COL28A1: variants seen among roughly 807,000 people sequenced by gnomAD.
COL28A1 encodes collagen alpha-1(XXVIII) chain.
COL28A1 carries 161 observed loss-of-function variants against 150.2 expected under a neutral mutation model. The ratio of observed to expected loss-of-function variants is 1.07; its 90% CI spans 0.94 to 1.22. The LOEUF is 1.22. Ranked by LOEUF, COL28A1 falls within the 50% of genes most tolerant of loss-of-function variation. The pLI, the probability that COL28A1 is intolerant of heterozygous loss-of-function variation, is 0.00. For synonymous variants in COL28A1, 552 were observed against 469.7 expected (o/e 1.18, Z -2.26); for missense variants, 1,617 against 1,388.3 (o/e 1.16, Z -2.62).
At chr7:7,357,692 G>A (rs1780406750), downstream of COL28A1, 1 of 150,362 alleles carries the variant, frequency 6.7e-6, no homozygotes. Context: ...AAATATGCAA[G>A]TGCTGTCTGA....
intron 27 of COL28A1, among the ~76,000 whole-genome samples, chr7:7,396,473 T>C (rs1326347942): frequency 3.3e-5 from 5 of 152,086 alleles, no homozygotes; most frequent in Admixed American, 6.5e-5. Context: ...TCCCCTTCTC[T>C]GACTTGATAA....
At chr7:7,520,571 A>G (rs1316832022) in intron 5 of COL28A1, among the ~76,000 whole-genome samples, 1 of 152,220 alleles carries the variant, frequency 6.6e-6, no homozygotes, top group Non-Finnish European at 1.5e-5. Flanking sequence ...TCCAGGAGAC[A>G]ATCTCAAAAG....
At chr7:7,406,071 A>G (rs1377069444) in intron 27 of COL28A1, among the ~76,000 whole-genome samples, 4 of 152,184 alleles carry the variant, frequency 2.6e-5, no homozygotes, top group African/African-American at 9.7e-5. Flanking sequence ...TCACAAAGGT[A>G]TCAATTTAAA....
chr7:7,390,137 A>G (rs1782447788), intron 27 of COL28A1, among the ~76,000 whole-genome samples: 1 of 152,184 alleles, frequency 6.6e-6, no homozygotes, highest in Non-Finnish European at 1.5e-5. Context: ...TTTGTCATAA[A>G]TAGCTCTTAT....
chr7:7,471,615 CT>C (rs111473959), intron 15 of COL28A1, among the ~76,000 whole-genome samples: 130 of 152,272 alleles, frequency 8.5e-4, no homozygotes, highest in African/African-American at 3.0e-3. Context: ...ATAAAACAGG[CT>C]GGGCATGGTG....
In COL28A1 at chr7:7,531,901, G is replaced by C. The variant is rs772217467; in HGVS notation, c.128C>G (p.Ser43Cys). 1.3e-6 allele frequency: 2 copies of C among 1,593,224 alleles called. No individual in the cohort carries two copies. The highest frequency in any genetic ancestry group is 1.7e-4 in the Middle Eastern group (1 of 5,980). ...LLARKSDVQG[S>C]ICFIDIVFIV... ...GAAGACAATATCTATGAAACAAATG[G>C]AGCCTGAAACAGAATAAACAGGTTA... Residue 43 changes from serine to cysteine, a missense_variant, in exon 3 of 35, where the codon TCC (serine) becomes TGC (cysteine). Physicochemically the swap from Ser to Cys is moderately radical, Grantham distance 112. Transcript: ENST00000399429.
intron 25 of COL28A1, among the ~76,000 whole-genome samples, chr7:7,428,792 C>T (rs1784779302): frequency 6.6e-6 from 1 of 152,308 alleles, no homozygotes; most frequent in South Asian, 2.1e-4. Context: ...TCTATATCTC[C>T]TCTCTCCTTC....
Position 7,477,113 on chromosome 7 carries a change from T to C in COL28A1, c.1232A>G (p.Lys411Arg). Residue 411 changes from lysine to arginine, a missense_variant and splice_region_variant, in exon 14 of 35, where the codon AAG becomes AGG. Coordinates refer to ENST00000399429, the MANE Select transcript of COL28A1 (RefSeq NM_001037763.3). ...GLPGEGFPGPKGEKGSEGPTG... is the reference protein window; with the variant it reads ...GLPGEGFPGPRGEKGSEGPTG... The stretch of plus-strand genomic sequence containing the variant: ...TCCTGGTACAGAAGGTATTGTTACC[T>C]TTGGTCCTGGAAATCCTTCTCCGGG... 2.6e-6 allele frequency: 3 copies of C among 1,166,446 alleles called. No homozygotes were observed. Among genetic ancestry groups the C allele is most frequent in the Non-Finnish European group, 2.6e-6 (2 of 770,236 alleles). The allele number at this position is 1,166,446 out of a possible 1,614,324, so 72.3% of individuals were successfully genotyped here.
At chr7:7,399,096 T>A (rs1783014754) in intron 27 of COL28A1, among the ~76,000 whole-genome samples, 1 of 152,166 alleles carries the variant, frequency 6.6e-6, no homozygotes, top group Non-Finnish European at 1.5e-5. Flanking sequence ...CAGTTTTCCA[T>A]ATGCTAGCCA....
intron 3 of COL28A1, among the ~76,000 whole-genome samples, chr7:7,529,626 C>G (rs947683534): frequency 1.1e-4 from 16 of 152,124 alleles, no homozygotes; most frequent in African/African-American, 3.6e-4. Flanking sequence ...GTGCTCTCAG[C>G]GAGGGTGTAT....
chr7:7,454,964 G>A (rs1192437293), intron 16 of COL28A1, among the ~76,000 whole-genome samples: 2 of 152,060 alleles, frequency 1.3e-5, no homozygotes, highest in Non-Finnish European at 2.9e-5. Context: ...AATGGCAAGG[G>A]AATGGAAAAA....
At chr7:7,378,274 C>T (rs1353791203) in intron 30 of COL28A1, among the ~76,000 whole-genome samples, 1 of 152,152 alleles carries the variant, frequency 6.6e-6, no homozygotes, top group East Asian at 1.9e-4. Flanking sequence ...TTGATAAACA[C>T]ATTCTTTCTG....
At chr7:7,393,613 C>A (rs887298539) in intron 27 of COL28A1, among the ~76,000 whole-genome samples, 18 of 86 alleles carry the variant, frequency 0.21, no homozygotes, top group African/African-American at 0.32. Flanking sequence ...CTATAAGCCC[C>A]TTGCTGGGCT....
At chr7:7,428,474 G>C (rs1784764529) in intron 25 of COL28A1, among the ~76,000 whole-genome samples, 1 of 152,208 alleles carries the variant, frequency 6.6e-6, no homozygotes. Flanking sequence ...CAGGAAATCA[G>C]ACCTTATGCT....
In COL28A1 at chr7:7,454,366, T is replaced by G. The variant is rs1285868494; in HGVS notation, c.1372-858A>C. Among the ~76,000 whole-genome samples, 10 of 152,302 alleles carry G rather than the reference T, an allele frequency of 6.6e-5. No individual in the cohort carries two copies. The East Asian group carries it at 1.9e-3, about 29-fold the overall frequency. On this transcript the variant is annotated intron_variant, in intron 16 of 34. Transcript: ENST00000399429. ...ATAACTGCATAGACAGAGGTTAAAT[T>G]TAAGTAGAATTTATATCATTTGTCT...
chr7:7,528,698 A>G (rs1782169413), intron 3 of COL28A1, among the ~76,000 whole-genome samples: 1 of 152,196 alleles, frequency 6.6e-6, no homozygotes, highest in South Asian at 2.1e-4. Flanking sequence ...ACACTAATCT[A>G]GAGTCACAAA....
At chr7:7,496,926 T>A (rs1337024780) in intron 11 of COL28A1, among the ~76,000 whole-genome samples, 1 of 152,062 alleles carries the variant, frequency 6.6e-6, no homozygotes, top group African/African-American at 2.4e-5. Context: ...TGCAGAATGG[T>A]TCAAGTATGG....
intron 33 of COL28A1, among the ~76,000 whole-genome samples, chr7:7,366,856 G>C (rs1780957340): frequency 6.6e-6 from 1 of 152,204 alleles, no homozygotes; most frequent in African/African-American, 2.4e-5. Flanking sequence ...GGTTGTAACA[G>C]ATTCATTTTA....
chr7:7,440,961 A>T (rs543704258), intron 20 of COL28A1, 100 bp from the exon 21 acceptor site: 27 of 652,726 alleles, frequency 4.1e-5, no homozygotes, highest in African/African-American at 3.6e-4. Flanking sequence ...GACTAATACC[A>T]ATTTTAAAGT....
Sources: allele counts gnomAD v4.1 joint callset (sites outside exome capture counted in the v4.1 genomes callset), GRCh38; gene constraint gnomAD v4.1.1; transcripts MANE v1.5; gene names NCBI Gene and HGNC (gene_info 2026-07-23, HGNC 2026-07-21).